KIF3B: variants seen among roughly 807,000 people sequenced by gnomAD.
KIF3B encodes the protein kinesin family member 3B, also known as kinesin-like protein KIF3B.
KIF3B carries 38 observed loss-of-function variants against 74.3 expected under a neutral mutation model. The ratio of observed to expected loss-of-function variants is 0.51; its 90% CI spans 0.39 to 0.67. KIF3B has a LOEUF of 0.67. KIF3B is among the 30% of genes least tolerant of loss of function. The pLI is 0.00. For missense variants in KIF3B, 649 were observed against 932.0 expected (o/e 0.70, Z 3.95); for synonymous variants, 326 against 342.5 (o/e 0.95, Z 0.53).
intron 8 of KIF3B, 34 bp from the exon 9 acceptor site, chr20:32,331,189 A>G: frequency 2.7e-6 from 4 of 1,463,384 alleles, no homozygotes; most frequent in Non-Finnish European, 3.8e-6. Flanking sequence ...AGAGATGGGG[A>G]CATGTAATAT....
At chr20:32,284,029 C>T (rs1234714601) in intron 1 of KIF3B, among the ~76,000 whole-genome samples, 3 of 151,892 alleles carry the variant, frequency 2.0e-5, no homozygotes, top group African/African-American at 4.8e-5. Flanking sequence ...GATCCTCCCA[C>T]GTCAGCCATC....
At chr20:32,284,725 TG>T (rs1203720987) in intron 1 of KIF3B, among the ~76,000 whole-genome samples, 3 of 152,244 alleles carry the variant, frequency 2.0e-5, no homozygotes, top group Non-Finnish European at 4.4e-5. Context: ...ATGTTTCCTG[TG>T]CACATTAAAA....
At chr20:32,323,523 C>G (rs570166328) in intron 5 of KIF3B, among the ~76,000 whole-genome samples, 1 of 152,130 alleles carries the variant, frequency 6.6e-6, no homozygotes, top group East Asian at 1.9e-4. Flanking sequence ...CCTCGGCCTC[C>G]CAGGTAGCTG....
chr20:32,323,656 A>T (rs565637446), intron 5 of KIF3B, among the ~76,000 whole-genome samples: 2 of 152,204 alleles, frequency 1.3e-5, no homozygotes, highest in African/African-American at 4.8e-5. Context: ...AGGCAGGTGG[A>T]TCATGAGGTC....
At chr20:32,318,814 G>A (rs2047841683) in intron 5 of KIF3B, among the ~76,000 whole-genome samples, 1 of 152,130 alleles carries the variant, frequency 6.6e-6, no homozygotes, top group Admixed American at 6.6e-5. Flanking sequence ...GTATGGATGT[G>A]TGTTTTCATT....
chr20:32,324,567 C>T (rs1211838419), intron 5 of KIF3B, among the ~76,000 whole-genome samples: 1 of 152,130 alleles, frequency 6.6e-6, no homozygotes, highest in Non-Finnish European at 1.5e-5. Flanking sequence ...CGTTAATGTG[C>T]AGCCTGGCCT....
At chr20:32,319,576 G>GTTTTTTTT (rs1231130100) in intron 5 of KIF3B, among the ~76,000 whole-genome samples, 1 of 98,334 alleles carries the variant, frequency 1.0e-5, no homozygotes, top group Non-Finnish European at 2.1e-5. Flanking sequence ...TTTTTGTTTT[G>GTTTTTTTT]TTTTTGTTTT....
rs1291574656 is a variant in KIF3B, at chr20:32,309,861, T to C, written c.84T>C (p.Tyr28=). ...ATGGCAAGGAAAAGGCTGCTTCGTA[T>C]GACAAAGTGGTGGATGTGGATGTTA... ...PMNGKEKAAS[Y]DKVVDVDVKL... The change falls in exon 2 of 9, where the codon TAT becomes TAC. Residue 28 remains tyrosine (Y), a synonymous_variant. Coordinates refer to ENST00000375712, the MANE Select transcript of KIF3B (RefSeq NM_004798.4). The C allele has an allele frequency of 6.2e-7, 1 of 1,614,030 alleles. No homozygotes were observed. The highest frequency in any genetic ancestry group is 1.3e-5 in the African/African-American group (1 of 74,902).
intron 7 of KIF3B, among the ~76,000 whole-genome samples, chr20:32,328,461 C>T (rs1431615091): frequency 6.6e-6 from 1 of 151,706 alleles, no homozygotes; most frequent in East Asian, 1.9e-4. Context: ...CAAAAATTAG[C>T]CGGGTATGGT....
At chr20:32,314,934 T>C (rs1208971204) in intron 2 of KIF3B, among the ~76,000 whole-genome samples, 2 of 152,130 alleles carry the variant, frequency 1.3e-5, no homozygotes, top group Admixed American at 6.5e-5. Flanking sequence ...CTTCCTTATC[T>C]CAGGGAAGCC....
At position 32,299,403 on chromosome 20, in the gene KIF3B, A is replaced by ATATATATATTTTT. The variant is rs1555895046; in HGVS notation, c.-65-10309_-65-10308insATATATATTTTTT. Among the ~76,000 whole-genome samples, 13 of 9,026 alleles carry ATATATATATTTTT rather than the reference A, an allele frequency of 1.4e-3. 1 individual carries two copies. The highest frequency in any genetic ancestry group is 0.011 in the East Asian group (1 of 94). The allele number at this position is 9,026 out of a possible 152,430, so 5.9% of individuals were successfully genotyped here. ...TGTATATATATATATATATATATATATTTTTTTTTTTTTTTTTTTTTTTTT... is the reference window on the plus strand; with the variant it reads ...TGTATATATATATATATATATATATATATATATATTTTTTTTTTTTTTTTTTTTTTTTTTTTTT... On this transcript the variant is annotated intron_variant, in intron 1 of 8. Coordinates refer to ENST00000375712, the MANE Select transcript of KIF3B (RefSeq NM_004798.4).
intron 2 of KIF3B, among the ~76,000 whole-genome samples, chr20:32,314,565 GGTTAGGTATT>G (rs1600432079): frequency 6.6e-6 from 1 of 151,978 alleles, no homozygotes; most frequent in African/African-American, 2.4e-5. Context: ...ATGTTAGAGT[GGTTAGGTATT>G]GTTAGGTATG....
In KIF3B at chr20:32,333,301, G is replaced by A. The variant is rs913460245; in HGVS notation, c.*1982G>A. On this transcript the variant is annotated 3_prime_UTR_variant, in exon 9 of 9. Coordinates refer to ENST00000375712, the MANE Select transcript of KIF3B (RefSeq NM_004798.4). ...CTCAAAGCTAATCTGAATTCTGTAGGCTAAAAATATTCATGTAGCAAATCT... is the reference window on the plus strand; with the variant it reads ...CTCAAAGCTAATCTGAATTCTGTAGACTAAAAATATTCATGTAGCAAATCT... 6.6e-6 allele frequency: 1 copy of A among 152,050 alleles called. No homozygotes were observed. The highest frequency in any genetic ancestry group is 2.4e-5 in the African/African-American group (1 of 41,400). 9.4% of individuals were successfully genotyped at this position (152,050 alleles called of 1,614,324 possible). A position where few individuals can be genotyped will look rare whatever the true frequency, so the allele number is the denominator to read the frequency against.
intron 1 of KIF3B, among the ~76,000 whole-genome samples, chr20:32,283,541 G>A (rs2047653967): frequency 6.7e-6 from 1 of 149,542 alleles, no homozygotes; most frequent in Non-Finnish European, 1.5e-5. Flanking sequence ...TAGGCATGGT[G>A]ACTCACACCT....
rs753389512 is a variant in KIF3B, at chr20:32,310,755, G to C, written c.978G>C (p.Glu326Asp). 1 of 1,614,172 alleles carries C rather than the reference G, an allele frequency of 6.2e-7. No individual in the cohort carries two copies. The highest frequency in any genetic ancestry group is 8.5e-7 in the Non-Finnish European group (1 of 1,180,030). ...GGCCTGCCTCTTACAACGTAGAAGA[G>C]ACTCTGACCACTCTGCGATATGCCA... ...NVGPASYNVE[E>D]TLTTLRYANR... Residue 326 changes from glutamate (E) to aspartate (D), a missense_variant, in exon 2 of 9, where the codon GAG (glutamate) becomes GAC (aspartate). By Grantham distance (45) the Glu-to-Asp change is conservative. Coordinates refer to ENST00000375712, the MANE Select transcript of KIF3B (RefSeq NM_004798.4). This position sits in a 1 kb window ranked among gnomAD's most constrained non-coding sequence, Gnocchi z 6.5.
Position 32,311,088 on chromosome 20 carries a change from G to A in KIF3B, c.1311G>A (p.Glu437=). 1 of 1,613,902 alleles carries A rather than the reference G, an allele frequency of 6.2e-7. No homozygotes were observed. Among genetic ancestry groups the A allele is most frequent in the Non-Finnish European group, 8.5e-7 (1 of 1,179,964 alleles). The change falls in exon 2 of 9, where the codon GAG becomes GAA. Residue 437 remains glutamate, a synonymous_variant. Coordinates refer to ENST00000375712, the MANE Select transcript of KIF3B (RefSeq NM_004798.4). The part of the protein sequence containing the change: ...AIVEDHSLVA[E]EKMRLLKEKE... The stretch of plus-strand genomic sequence containing the variant: ...TAGAGGATCACAGCTTGGTTGCAGA[G>A]GAGAAGATGAGGCTGCTGAAGGAGA...
intron 1 of KIF3B, among the ~76,000 whole-genome samples, chr20:32,304,795 CAGAG>C (rs34339038): frequency 0.015 from 2,165 of 146,692 alleles, 20 homozygotes; most frequent in African/African-American, 0.017. Context: ...GAGCAGGTCA[CAGAG>C]AGAGAGAGAG....
Position 32,331,336 on chromosome 20 carries a change from C to T in KIF3B, c.*17C>T. ...CCAAAGTAAAGCCAGCTTCTCCTCT[C>T]CCAGGGCGGAAACAGCATTTGCCTT... On this transcript the variant is annotated 3_prime_UTR_variant, in exon 9 of 9. Transcript: ENST00000375712. 1 of 1,587,760 alleles carries T rather than the reference C, an allele frequency of 6.3e-7. No homozygotes were observed. Among genetic ancestry groups the T allele is most frequent in the Non-Finnish European group, 8.6e-7 (1 of 1,163,782 alleles).
At chr20:32,279,065 A>T (rs2047630045) in intron 1 of KIF3B, among the ~76,000 whole-genome samples, 1 of 151,660 alleles carries the variant, frequency 6.6e-6, no homozygotes, top group African/African-American at 2.4e-5. Context: ...CTGGGACTAC[A>T]GATGTTCACC....
Sources: gnomAD v4.1 joint callset for allele counts (sites outside exome capture counted in the v4.1 genomes callset) on GRCh38, gnomAD v4.1.1 for gene constraint, Gnocchi (gnomAD v3.1) non-coding constraint, MANE v1.5 for transcripts, NCBI Gene and HGNC (gene_info 2026-07-23, HGNC 2026-07-21) for gene names.